PCDH18: variants seen among roughly 807,000 people sequenced by gnomAD.
PCDH18 encodes protocadherin 18, also known as protocadherin-18.
A neutral mutation model predicts 71.5 loss-of-function variants in PCDH18; 38 were observed. That is an observed-to-expected ratio of 0.53 (90% CI 0.41 to 0.70). The LOEUF is 0.70. Ranked by LOEUF, PCDH18 falls within the 30% of genes least tolerant of loss-of-function variation. PCDH18 has a pLI of 0.00. For missense variants in PCDH18, 1,334 were observed against 1,384.6 expected (o/e 0.96, Z 0.58); for synonymous variants, 565 against 505.4 (o/e 1.12, Z -1.58).
Position 137,530,446 on chromosome 4 carries a change from C to G in PCDH18, c.1643G>C (p.Arg548Thr). The G allele has an allele frequency of 6.2e-7, 1 of 1,614,120 alleles. No individual in the cohort carries two copies. Among genetic ancestry groups the G allele is most frequent in the Non-Finnish European group, 8.5e-7 (1 of 1,180,000 alleles). ...VSQITFVVEA[R>T]DGGSPKQLVS... The stretch of plus-strand genomic sequence containing the variant: ...CAGTTGCTTCGGGCTTCCTCCATCT[C>G]TTGCTTCTACCACAAAAGTGATCTG... Residue 548 changes from arginine to threonine, a missense_variant, in exon 1 of 4, where the codon AGA becomes ACA. Coordinates refer to ENST00000344876, the MANE Select transcript of PCDH18 (RefSeq NM_019035.5).
chr4:137,524,929 A>G (rs1382339244), intron 3 of PCDH18, among the ~76,000 whole-genome samples: 1 of 152,174 alleles, frequency 6.6e-6, no homozygotes, highest in Non-Finnish European at 1.5e-5. Context: ...CATGGAAGAA[A>G]GGCCAGAACA....
chr4:137,530,995 T>C lies in PCDH18; in HGVS notation c.1094A>G (p.Glu365Gly), dbSNP rs767094780. Residue 365 changes from glutamate (E) to glycine (G), a missense_variant, in exon 1 of 4, where the codon GAA (glutamate) becomes GGA (glycine). This residue lies in a region of PCDH18 where 1,011 missense variants were observed against 1,048.0 expected (regional missense o/e 0.96). Coordinates refer to ENST00000344876, the MANE Select transcript of PCDH18 (RefSeq NM_019035.5). The stretch of plus-strand genomic sequence containing the variant: ...ATCCCCTTCAAAAATATAAGATATT[T>C]CTTCTTTTCCAGGGGACATGAGGTT... Reference protein sequence around the residue: ...NINLMSPGKEEISYIFEGDPI... With the variant: ...NINLMSPGKEGISYIFEGDPI... 1.2e-6 allele frequency: 2 copies of C among 1,612,632 alleles called. No individual in the cohort carries two copies. Among genetic ancestry groups the C allele is most frequent in the Non-Finnish European group, 1.7e-6 (2 of 1,179,418 alleles).
At chr4:137,528,152 C>T (rs554228327) in intron 3 of PCDH18, among the ~76,000 whole-genome samples, 3 of 152,096 alleles carry the variant, frequency 2.0e-5, no homozygotes, top group Admixed American at 6.6e-5. Flanking sequence ...GTTACACAAC[C>T]GTGTTCTATG....
intron 3 of PCDH18, among the ~76,000 whole-genome samples, chr4:137,523,552 T>G (rs1167475953): frequency 6.6e-6 from 1 of 152,106 alleles, no homozygotes; most frequent in Non-Finnish European, 1.5e-5. Flanking sequence ...AGAACAGACC[T>G]GCTGACACCT....
In PCDH18 at chr4:137,521,582, TC is replaced by T; in HGVS notation, c.2854del (p.Glu952LysfsTer57). ...DYRSNMFIPGEEFPTQPQQQH... is the reference protein window; with the variant it reads ...DYRSNMFIPGXEFPTQPQQQH... ...CTGCTGGGGTTGCGTTGGGAATTCT[TC>T]CCCTGGAATGAACATGTTACTCCTA... On this transcript the variant is annotated frameshift_variant, in exon 4 of 4. Transcript: ENST00000344876. LOFTEE classifies it high-confidence loss of function. 1 of 1,614,008 alleles carries T rather than the reference TC, an allele frequency of 6.2e-7. No individual in the cohort carries two copies. The highest frequency in any genetic ancestry group is 8.5e-7 in the Non-Finnish European group (1 of 1,180,018).
rs1199284830 is a variant in PCDH18, at chr4:137,531,293, A to G, written c.796T>C (p.Leu266=). 12 of 1,614,144 alleles carry G rather than the reference A, an allele frequency of 7.4e-6. No individual in the cohort carries two copies. The highest frequency in any genetic ancestry group is 1.0e-5 in the Non-Finnish European group (12 of 1,179,996). The change falls in exon 1 of 4, where the codon TTA becomes CTA. Residue 266 remains leucine (L), a synonymous_variant. Transcript: ENST00000344876. The part of the protein sequence containing the change: ...LENSPVGTLL[L]DLNATDPDEG... The stretch of plus-strand genomic sequence containing the variant: ...TCTGGATCCGTGGCATTCAGATCTA[A>G]GAGCAAAGTGCCAACCGGGGAGTTT...
chr4:137,531,500 C>G lies in PCDH18; in HGVS notation c.589G>C (p.Glu197Gln), dbSNP rs1731693803. ...RTRTDGAKYA[E>Q]LIVVRELDRE... ...TCTAACTCTCTGACCACTATGAGTT[C>G]TGCATACTTGGCTCCATCAGTCCTG... The change falls in exon 1 of 4, where the codon GAA becomes CAA. Residue 197 changes from glutamate (E) to glutamine (Q), a missense_variant. This residue lies in a region of PCDH18 where 1,011 missense variants were observed against 1,048.0 expected (regional missense o/e 0.96). Transcript: ENST00000344876. 1 of 1,613,824 alleles carries G rather than the reference C, an allele frequency of 6.2e-7. No homozygotes were observed. Among genetic ancestry groups the G allele is most frequent in the African/African-American group, 1.3e-5 (1 of 74,896 alleles).
In PCDH18 at chr4:137,527,391, GT is replaced by G. The variant is rs373509955; in HGVS notation, c.2740+1086del. Among the ~76,000 whole-genome samples the G allele has an allele frequency of 8.9e-4, 135 of 151,408 alleles. No homozygotes were observed. In the East Asian group the frequency reaches 0.015, roughly 17 times the overall value. On this transcript the variant is annotated intron_variant, in intron 3 of 3. Coordinates refer to ENST00000344876, the MANE Select transcript of PCDH18 (RefSeq NM_019035.5). ...TACTGTATTGTTTTTTATTTGTATT[GT>G]TTTTTATTGTTGTATTGCTATTTTT... is the stretch of plus-strand genomic sequence containing the variant.
In PCDH18 at chr4:137,530,799, C is replaced by T; in HGVS notation, c.1290G>A (p.Glu430=). 6.2e-7 allele frequency: 1 copy of T among 1,611,780 alleles called. No homozygotes were observed. The highest frequency in any genetic ancestry group is 1.1e-5 in the South Asian group (1 of 91,046). Residue 430 remains glutamate (E), a synonymous_variant, in exon 1 of 4, where the codon GAG becomes GAA. Transcript: ENST00000344876. ...NATLDREKRS[E]YSLTVIAEDR... is the part of the protein sequence containing the mutation. ...CCTCAGCGATTACAGTCAAACTATA[C>T]TCAGATCTCTTTTCTCTATCCAGTG...
In PCDH18 at chr4:137,529,982, T is replaced by C; in HGVS notation, c.2107A>G (p.Ile703Val). The change falls in exon 1 of 4, where the codon ATT becomes GTT. Residue 703 changes from isoleucine to valine, a missense_variant. Around this residue, in one of 3 missense-constraint regions of PCDH18, gnomAD observed 1,011 missense variants for 1,048.0 expected, o/e 0.96. Transcript: ENST00000344876. Reference sequence around the variant, plus strand: ...GCACAAATTGCTCCTAAGGAAATAATTATTATCATGGAGACATCCAAGGAT... The same window carrying C: ...GCACAAATTGCTCCTAAGGAAATAACTATTATCATGGAGACATCCAAGGAT... ...QASLDVSMII[I>V]ISLGAICAVL... is the part of the protein sequence containing the mutation. The C allele has an allele frequency of 6.2e-7, 1 of 1,613,860 alleles. No homozygotes were observed. Among genetic ancestry groups the C allele is most frequent in the Non-Finnish European group, 8.5e-7 (1 of 1,179,804 alleles).
At position 137,521,080 on chromosome 4, in the gene PCDH18, A is replaced by T; in HGVS notation, c.3357T>A (p.Ser1119Arg). 6.2e-7 allele frequency: 1 copy of T among 1,613,102 alleles called. No individual in the cohort carries two copies. Among genetic ancestry groups the T allele is most frequent in the African/African-American group, 1.3e-5 (1 of 75,018 alleles). Residue 1119 changes from serine to arginine, a missense_variant, in exon 4 of 4, where the codon AGT (serine) becomes AGA (arginine). Around this residue, in one of 3 missense-constraint regions of PCDH18, gnomAD observed 319 missense variants for 316.3 expected, o/e 1.01. Transcript: ENST00000344876. ...NDGKHELMDA[S>R]ELVAEINKLL... ...GTTTGTTAATCTCTGCCACCAGTTC[A>T]CTGGCATCCATGAGTTCGTGTTTCC...
intron 2 of PCDH18, 27 bp from the exon 3 acceptor site, chr4:137,528,668 T>C (rs537076476): frequency 1.2e-6 from 2 of 1,607,710 alleles, no homozygotes; most frequent in African/African-American, 1.3e-5. Context: ...CAAAAAAAAA[T>C]TACAGTTTTT....
intron 3 of PCDH18, among the ~76,000 whole-genome samples, chr4:137,527,391 G>GT (rs373509955): frequency 6.6e-6 from 1 of 151,292 alleles, no homozygotes; most frequent in Non-Finnish European, 1.5e-5. Context: ...TATTTGTATT[G>GT]TTTTTTATTG....
chr4:137,532,336 GA>G lies in PCDH18; in HGVS notation c.-249del, dbSNP rs1242773895. The G allele has an allele frequency of 1.4e-6, 1 of 702,424 alleles. No individual in the cohort carries two copies. The highest frequency in any genetic ancestry group is 1.7e-5 in the African/African-American group (1 of 57,210). The allele number at this position is 702,424 out of a possible 1,614,324, so 43.5% of individuals were successfully genotyped here. A position where few individuals can be genotyped will look rare whatever the true frequency, so the allele number is the denominator to read the frequency against. ...TCGTTCGTCCTCTTTCCAGGCAGGA[GA>G]GTGTCACCTCCGCGTTTTCTCCCTT... On this transcript the variant is annotated 5_prime_UTR_variant, in exon 1 of 4. Coordinates refer to ENST00000344876, the MANE Select transcript of PCDH18 (RefSeq NM_019035.5).
At chr4:137,522,012 A>G (rs1259737420) in intron 3 of PCDH18, among the ~76,000 whole-genome samples, 1 of 152,232 alleles carries the variant, frequency 6.6e-6, no homozygotes, top group Non-Finnish European at 1.5e-5. Flanking sequence ...GAGTGATGAA[A>G]TAAGTGCTGA....
Position 137,518,967 on chromosome 4 carries a change from A to G in PCDH18, c.*2062T>C, listed in dbSNP as rs1731211904. The G allele has an allele frequency of 6.6e-6, 1 of 152,220 alleles. No individual in the cohort carries two copies. Among genetic ancestry groups the G allele is most frequent in the Non-Finnish European group, 1.5e-5 (1 of 68,032 alleles). 9.4% of individuals were successfully genotyped at this position (152,220 alleles called of 1,614,324 possible). On this transcript the variant is annotated 3_prime_UTR_variant, in exon 4 of 4. Coordinates refer to ENST00000344876, the MANE Select transcript of PCDH18 (RefSeq NM_019035.5). ...TTTTATTTATTTCACATTATTCAAA[A>G]TAGCGGTTTTCAGCATAGCTTCCCA...
At chr4:137,528,969 C>T (rs1000845548) in intron 1 of PCDH18, 149 bp from the exon 2 acceptor site, 32 of 644,746 alleles carry the variant, frequency 5.0e-5, no homozygotes, top group South Asian at 1.5e-4. Context: ...TGGACTGTGG[C>T]GGACCACGCA....
chr4:137,527,422 G>A (rs953464799), intron 3 of PCDH18, among the ~76,000 whole-genome samples: 1 of 151,922 alleles, frequency 6.6e-6, no homozygotes, highest in East Asian at 1.9e-4. Context: ...ATTTTTTATT[G>A]TTTAATCCAA....
chr4:137,521,345 C>G lies in PCDH18; in HGVS notation c.3092G>C (p.Arg1031Pro). ...DTYSECSEVD[R>P]SNSLERRKGP... is the part of the protein sequence containing the mutation. Reference sequence around the variant, plus strand: ...CTTCCTGCGCTCCAGGGAGTTGGACCGATCCACCTCACTGCATTCAGAATA... The same window carrying G: ...CTTCCTGCGCTCCAGGGAGTTGGACGGATCCACCTCACTGCATTCAGAATA... The change falls in exon 4 of 4, where the codon CGG becomes CCG. Residue 1031 changes from arginine (R) to proline (P), a missense_variant. Coordinates refer to ENST00000344876, the MANE Select transcript of PCDH18 (RefSeq NM_019035.5). The G allele has an allele frequency of 6.2e-7, 1 of 1,614,102 alleles. No homozygotes were observed. The highest frequency in any genetic ancestry group is 8.5e-7 in the Non-Finnish European group (1 of 1,180,014).
Sources: allele counts gnomAD v4.1 joint callset (sites outside exome capture counted in the v4.1 genomes callset), GRCh38; gene constraint gnomAD v4.1.1; regional missense constraint gnomAD v4.1.1; transcripts MANE v1.5; gene names NCBI Gene and HGNC (gene_info 2026-07-23, HGNC 2026-07-21).